Variants in SLC9A7 observed in about 807,000 individuals in gnomAD.
SLC9A7 encodes the protein sodium/hydrogen exchanger 7.
SLC9A7 carries 19 observed loss-of-function variants against 52.6 expected under a neutral mutation model. The ratio of observed to expected loss-of-function variants is 0.36; its 90% CI spans 0.25 to 0.53. The LOEUF is 0.53. Among genes scored for constraint, SLC9A7 ranks in the 20% least tolerant of loss-of-function variants. The pLI, the probability that SLC9A7 is intolerant of heterozygous loss-of-function variation, is 0.91. For missense variants in SLC9A7, 455 were observed against 597.9 expected, an observed-to-expected ratio of 0.76 and a Z score of 2.49; for synonymous variants, 226 against 252.1, an observed-to-expected ratio of 0.90 and a Z score of 0.98.
chrX:46,738,085 AAGAAAGAAAGAAAGAAAGAAAG>A (rs1398956376), intron 1 of SLC9A7, among the ~76,000 whole-genome samples: 4 of 69,641 alleles, frequency 5.7e-5, no homozygotes, highest in Non-Finnish European at 1.4e-4. Flanking sequence ...GAAAGAAAGA[AAGAAAGAAAGAAAGAAAGAAAG>A]AGAAAAGAAA....
At chrX:46,754,000 A>G (rs1445076425) in intron 1 of SLC9A7, among the ~76,000 whole-genome samples, 1 of 108,268 alleles carries the variant, frequency 9.2e-6, no homozygotes, top group Non-Finnish European at 1.9e-5. Flanking sequence ...AATAATAATA[A>G]TAATAATAAT....
chrX:46,685,161 T>G (rs1944275121), intron 1 of SLC9A7: 1 of 111,571 alleles, frequency 9.0e-6, no homozygotes, highest in Non-Finnish European at 1.9e-5. Context: ...GTTCTGGTAA[T>G]TGTGCTGGTG....
At chrX:46,709,000 G>A (rs1214884462) in intron 1 of SLC9A7, among the ~76,000 whole-genome samples, 2 of 111,468 alleles carry the variant, frequency 1.8e-5, no homozygotes, top group Non-Finnish European at 3.8e-5. Context: ...AGATAAATGC[G>A]TTAAATAGTA....
chrX:46,655,461 G>A (rs1174236575), intron 7 of SLC9A7, among the ~76,000 whole-genome samples: 2 of 111,843 alleles, frequency 1.8e-5, no homozygotes, highest in African/African-American at 6.5e-5. Flanking sequence ...CTGAGGTACC[G>A]GGTTCATCTC....
intron 1 of SLC9A7, among the ~76,000 whole-genome samples, chrX:46,708,513 G>C (rs1944639283): frequency 1.8e-5 from 2 of 109,407 alleles, no homozygotes; most frequent in Admixed American, 1.9e-4. Context: ...CTGGGCGACA[G>C]AGTGAGACTC....
chrX:46,757,749 G>C (rs1036091301), intron 1 of SLC9A7, among the ~76,000 whole-genome samples: 9 of 66,569 alleles, frequency 1.4e-4, no homozygotes, highest in Non-Finnish European at 2.3e-4. Flanking sequence ...GCAGGGCGAG[G>C]GGGGAGGCAG....
At chrX:46,633,129 C>T (rs769264527) in intron 13 of SLC9A7, among the ~76,000 whole-genome samples, 3 of 107,426 alleles carry the variant, frequency 2.8e-5, no homozygotes, top group East Asian at 2.9e-4. Context: ...CCGACCTTCA[C>T]GGCAGCCACT....
At chrX:46,651,259 C>A in intron 9 of SLC9A7, 36 bp from the exon 10 acceptor site, 1 of 1,168,048 alleles carries the variant, frequency 8.6e-7, no homozygotes. Context: ...TGTAACCCTG[C>A]AGTTCCCCCT....
intron 3 of SLC9A7, among the ~76,000 whole-genome samples, chrX:46,677,603 C>T (rs774709556): frequency 7.1e-5 from 8 of 112,262 alleles, no homozygotes; most frequent in Non-Finnish European, 1.3e-4. Flanking sequence ...TAAAGAATAT[C>T]CGTTCCTAAT....
Position 46,606,696 on chromosome X carries a change from T to C in SLC9A7, c.*256A>G. The C allele has an allele frequency of 1.9e-6, 2 of 1,041,983 alleles. No homozygotes were observed. Among genetic ancestry groups the C allele is most frequent in the Non-Finnish European group, 2.5e-6 (2 of 815,263 alleles). 85.9% of individuals were successfully genotyped at this position (1,041,983 alleles called of 1,213,427 possible). Reference sequence around the variant, plus strand: ...ATTAAAGCATGCTATTTTTTTTTGTTTGTTTAACTCTGAAACAGCGCACTA... The same window carrying C: ...ATTAAAGCATGCTATTTTTTTTTGTCTGTTTAACTCTGAAACAGCGCACTA... On this transcript the variant is annotated 3_prime_UTR_variant, in exon 17 of 17. Coordinates refer to ENST00000616978, the MANE Select transcript of SLC9A7 (RefSeq NM_001257291.2).
At chrX:46,753,908 C>T (rs1228014150) in intron 1 of SLC9A7, among the ~76,000 whole-genome samples, 3 of 110,017 alleles carry the variant, frequency 2.7e-5, no homozygotes, top group Non-Finnish European at 5.7e-5. Context: ...ATGGCATGAA[C>T]CCAGGAGGCG....
intron 1 of SLC9A7, among the ~76,000 whole-genome samples, chrX:46,698,457 C>T (rs1459436385): frequency 8.9e-6 from 1 of 112,218 alleles, no homozygotes; most frequent in Non-Finnish European, 1.9e-5. Flanking sequence ...TTAGCCATTC[C>T]ACAGTGTATA....
chrX:46,732,478 G>A (rs1011193398), intron 1 of SLC9A7, among the ~76,000 whole-genome samples: 3 of 109,849 alleles, frequency 2.7e-5, no homozygotes, highest in Non-Finnish European at 5.7e-5. Context: ...GCTTGAACCC[G>A]GGAGGCGGAG....
intron 1 of SLC9A7, among the ~76,000 whole-genome samples, chrX:46,749,347 T>C (rs1177433973): frequency 1.8e-5 from 2 of 112,217 alleles, no homozygotes; most frequent in Non-Finnish European, 3.8e-5. Context: ...GATATCTCTG[T>C]CTGCCCAGGG....
intron 14 of SLC9A7, among the ~76,000 whole-genome samples, chrX:46,621,343 CAA>C (rs1943043596): frequency 8.9e-6 from 1 of 112,216 alleles, no homozygotes; most frequent in South Asian, 3.7e-4. Context: ...CAATTTTCCT[CAA>C]AGTGTCTTTC....
At chrX:46,643,485 C>A in intron 11 of SLC9A7, 96 bp from the exon 12 acceptor site, 1 of 889,215 alleles carries the variant, frequency 1.1e-6, no homozygotes, top group South Asian at 2.6e-5. Context: ...AAACTCTATT[C>A]ATTCATGCTT....
Position 46,650,538 on chromosome X carries a change from T to C in SLC9A7, c.1350+572A>G, listed in dbSNP as rs187330516. On this transcript the variant is annotated intron_variant, in intron 10 of 16. Transcript: ENST00000616978. ...AGAAAGAGTCTTTCCCACCATGATC[T>C]GCAGCAGCAGGGAAGCTTGAGAAAA... is the stretch of plus-strand genomic sequence containing the variant. 1.7e-3 allele frequency among the ~76,000 whole-genome samples: 191 copies of C among 110,813 alleles called. 1 individual carries two copies. Among genetic ancestry groups the C allele is most frequent in the African/African-American group, 6.0e-3 (184 of 30,420 alleles).
intron 16 of SLC9A7, among the ~76,000 whole-genome samples, chrX:46,610,773 T>C (rs1385215230): frequency 8.9e-6 from 1 of 112,086 alleles, no homozygotes; most frequent in Non-Finnish European, 1.9e-5. Context: ...GCACTTGAAA[T>C]TGATGCAATT....
At chrX:46,718,774 G>A (rs766171761) in intron 1 of SLC9A7, among the ~76,000 whole-genome samples, 1 of 111,774 alleles carries the variant, frequency 8.9e-6, no homozygotes, top group Non-Finnish European at 1.9e-5. Context: ...TTAGAATGGC[G>A]ATCATTAAAA....
Sources: allele counts gnomAD v4.1 joint callset (sites outside exome capture counted in the v4.1 genomes callset), GRCh38; gene constraint gnomAD v4.1.1; transcripts MANE v1.5; gene names NCBI Gene and HGNC (gene_info 2026-07-23, HGNC 2026-07-21).